The following ASAP1 variants were observed in gnomAD, a reference collection of about 807,000 sequenced individuals.
The protein encoded by ASAP1 is arf-GAP with SH3 domain, ANK repeat and PH domain-containing protein 1.
In ASAP1, 43 loss-of-function variants were observed where a neutral mutation model predicts 145.2. That is an observed-to-expected ratio of 0.30 (90% CI 0.23 to 0.38). The LOEUF is 0.38. Among genes scored for constraint, ASAP1 ranks in the 10% least tolerant of loss-of-function variants. ASAP1 has a pLI of 1.00. For missense variants in ASAP1, 1,018 were observed against 1,355.3 expected (o/e 0.75, Z 3.91); for synonymous variants, 546 against 515.5 (o/e 1.06, Z -0.80).
Position 130,145,694 on chromosome 8 carries a change from C to G in ASAP1, c.1080+7042G>C, listed in dbSNP as rs1211429966. Among the ~76,000 whole-genome samples, 3 of 152,284 alleles carry G rather than the reference C, an allele frequency of 2.0e-5. No homozygotes were observed. In the East Asian group the frequency reaches 5.8e-4, roughly 29 times the overall value. On this transcript the variant is annotated intron_variant, in intron 13 of 29. Transcript: ENST00000518721. ...CTCCATGCCATATGTTTTACATATA[C>G]TTGCTCACTTAATTCTGATAACCAC...
intron 3 of ASAP1, among the ~76,000 whole-genome samples, chr8:130,249,952 T>G (rs1819089519): frequency 6.6e-6 from 1 of 152,158 alleles, no homozygotes; most frequent in Non-Finnish European, 1.5e-5. Context: ...TCACGTATTT[T>G]CAAATCCTAG....
At chr8:130,304,360 G>T (rs146357452) in intron 3 of ASAP1, among the ~76,000 whole-genome samples, 52 of 152,194 alleles carry the variant, frequency 3.4e-4, no homozygotes, top group African/African-American at 1.2e-3. Flanking sequence ...TTGAAAGTCT[G>T]ACACATTCAC....
At position 130,243,600 on chromosome 8, in the gene ASAP1, G is replaced by T. The variant is rs1274172812; in HGVS notation, c.187-6606C>A. 3.3e-5 allele frequency among the ~76,000 whole-genome samples: 5 copies of T among 152,106 alleles called. No individual in the cohort carries two copies. In the South Asian group the frequency reaches 6.2e-4, roughly 19 times the overall value. ...ACCCTCCACTACTCATTATGTTCCA[G>T]CCACACCTACAGTCTTTCTAACCCC... On this transcript the variant is annotated intron_variant, in intron 3 of 29. Coordinates refer to ENST00000518721, the MANE Select transcript of ASAP1 (RefSeq NM_018482.4).
intron 5 of ASAP1, among the ~76,000 whole-genome samples, chr8:130,212,978 T>G (rs1352286564): frequency 6.6e-6 from 1 of 152,244 alleles, no homozygotes; most frequent in Non-Finnish European, 1.5e-5. Flanking sequence ...GCAAGTCCTT[T>G]ACCAGCTATT....
chr8:130,300,142 A>ACACG (rs1822543426), intron 3 of ASAP1, among the ~76,000 whole-genome samples: 1 of 126,156 alleles, frequency 7.9e-6, no homozygotes, highest in Admixed American at 8.1e-5. Context: ...ACACACACAC[A>ACACG]CACACACACA....
chr8:130,267,130 A>C (rs1445900454), intron 3 of ASAP1, among the ~76,000 whole-genome samples: 122 of 150,880 alleles, frequency 8.1e-4, no homozygotes, highest in Non-Finnish European at 1.3e-3. Flanking sequence ...AAACAAAAAA[A>C]AAACAAAACA....
At chr8:130,202,447 C>G (rs1425420945) in intron 5 of ASAP1, among the ~76,000 whole-genome samples, 2 of 152,188 alleles carry the variant, frequency 1.3e-5, no homozygotes, top group Non-Finnish European at 1.5e-5. Context: ...GATTCTGGAA[C>G]AGAGTGGGCA....
At chr8:130,101,289 T>C (rs892295015) in intron 24 of ASAP1, among the ~76,000 whole-genome samples, 1 of 152,232 alleles carries the variant, frequency 6.6e-6, no homozygotes, top group Non-Finnish European at 1.5e-5. Flanking sequence ...ATATGAATTT[T>C]AGGATTGCTT....
intron 3 of ASAP1, among the ~76,000 whole-genome samples, chr8:130,240,879 GCT>G (rs1818484893): frequency 2.6e-5 from 4 of 152,068 alleles, no homozygotes; most frequent in Non-Finnish European, 4.4e-5. Flanking sequence ...GAAGATGCAG[GCT>G]GCTGCAAATC....
At chr8:130,244,896 G>C (rs1818754339) in intron 3 of ASAP1, among the ~76,000 whole-genome samples, 1 of 152,124 alleles carries the variant, frequency 6.6e-6, no homozygotes, top group Non-Finnish European at 1.5e-5. Flanking sequence ...GGGAGTAAGG[G>C]TGCAGACAGG....
intron 3 of ASAP1, among the ~76,000 whole-genome samples, chr8:130,306,443 T>A (rs978641412): frequency 6.6e-6 from 1 of 152,170 alleles, no homozygotes; most frequent in Non-Finnish European, 1.5e-5. Flanking sequence ...AATGTTTTTT[T>A]AAAGCCACAA....
At chr8:130,136,824 T>C in intron 14 of ASAP1, 127 bp downstream of exon 14, 1 of 789,118 alleles carries the variant, frequency 1.3e-6, no homozygotes, top group South Asian at 1.5e-5. Context: ...GAGCAGCACA[T>C]GCAGGAATAA....
chr8:130,127,816 G>A lies in ASAP1; in HGVS notation c.1381+111C>T, dbSNP rs1006939281. 6.7e-6 allele frequency: 8 copies of A among 1,191,008 alleles called. No homozygotes were observed. In the African/African-American group the frequency reaches 1.3e-4, roughly 19 times the overall value. The allele number at this position is 1,191,008 out of a possible 1,614,324, so 73.8% of individuals were successfully genotyped here. A position where few individuals can be genotyped will look rare whatever the true frequency, so the allele number is the denominator to read the frequency against. On this transcript the variant is annotated intron_variant, in intron 16 of 29. Coordinates refer to ENST00000518721, the MANE Select transcript of ASAP1 (RefSeq NM_018482.4). The stretch of plus-strand genomic sequence containing the variant: ...CGTTGGGAATACGTGTTTTGTGTGT[G>A]TATGTGAGTGTGTCCATAGGGGTTA...
chr8:130,149,157 A>T (rs1181862905), intron 13 of ASAP1, among the ~76,000 whole-genome samples: 1 of 149,926 alleles, frequency 6.7e-6, no homozygotes, highest in Non-Finnish European at 1.5e-5. Context: ...GCCTGGCCTG[A>T]GGCTAACTGA....
intron 5 of ASAP1, among the ~76,000 whole-genome samples, chr8:130,193,952 A>T (rs541514369): frequency 6.6e-6 from 1 of 152,284 alleles, no homozygotes; most frequent in African/African-American, 2.4e-5. Flanking sequence ...TGCCTCCCAA[A>T]GTGCTGGGAT....
chr8:130,236,105 C>T (rs529267593), intron 4 of ASAP1, among the ~76,000 whole-genome samples: 13 of 152,184 alleles, frequency 8.5e-5, no homozygotes, highest in African/African-American at 3.1e-4. Context: ...TCCAACTTCA[C>T]GGCCTGCGCT....
At chr8:130,330,067 G>A (rs1824584707) in intron 3 of ASAP1, among the ~76,000 whole-genome samples, 1 of 152,170 alleles carries the variant, frequency 6.6e-6, no homozygotes, top group South Asian at 2.1e-4. Context: ...TTTCATTACA[G>A]CTGGACCCAG....
intron 2 of ASAP1, among the ~76,000 whole-genome samples, chr8:130,378,582 A>G (rs962830068): frequency 1.4e-4 from 21 of 152,216 alleles, no homozygotes; most frequent in African/African-American, 5.1e-4. Context: ...TCAGACGGGT[A>G]GGCAAGGGTG....
intron 24 of ASAP1, among the ~76,000 whole-genome samples, chr8:130,098,047 G>A (rs142761214): frequency 6.6e-6 from 1 of 152,120 alleles, no homozygotes; most frequent in Non-Finnish European, 1.5e-5. Flanking sequence ...CATTTACTGA[G>A]TATTATGTGC....
Sources: gnomAD v4.1 joint callset for allele counts (sites outside exome capture counted in the v4.1 genomes callset) on GRCh38, gnomAD v4.1.1 for gene constraint, MANE v1.5 for transcripts, NCBI Gene and HGNC (gene_info 2026-07-23, HGNC 2026-07-21) for gene names.